Variants in ZBTB44 observed in about 807,000 individuals in gnomAD.
The protein encoded by ZBTB44 is zinc finger and BTB domain containing 44.
A neutral mutation model predicts 54.0 loss-of-function variants in ZBTB44; 15 were observed. The ratio of observed to expected loss-of-function variants is 0.28; its 90% CI spans 0.19 to 0.43. The LOEUF (loss-of-function observed/expected upper bound fraction) is 0.43. Among genes scored for constraint, ZBTB44 ranks in the 20% least tolerant of loss-of-function variants. The pLI, the probability that ZBTB44 is intolerant of heterozygous loss-of-function variation, is 1.00. For missense variants in ZBTB44, 487 were observed against 707.1 expected (o/e 0.69, Z 3.53); for synonymous variants, 230 against 250.1 (o/e 0.92, Z 0.76).
intron 2 of ZBTB44, 98 bp downstream of exon 2, chr11:130,260,758 T>A (rs564863526): frequency 7.5e-7 from 1 of 1,333,648 alleles, no homozygotes; most frequent in African/African-American, 1.5e-5. Flanking sequence ...TTCTTTATAT[T>A]TCCTATATGA....
At chr11:130,295,479 A>C (rs1277132667) in intron 1 of ZBTB44, among the ~76,000 whole-genome samples, 1 of 152,194 alleles carries the variant, frequency 6.6e-6, no homozygotes, top group Non-Finnish European at 1.5e-5. Context: ...GAAAGTGCCG[A>C]GACTCCTAAA....
chr11:130,302,755 C>T (rs971313781), intron 1 of ZBTB44, among the ~76,000 whole-genome samples: 3 of 152,178 alleles, frequency 2.0e-5, no homozygotes, highest in Admixed American at 2.0e-4. Flanking sequence ...AGGTGATCAC[C>T]TGAGGTCAGG....
At chr11:130,305,626 A>C (rs957118493) in intron 1 of ZBTB44, among the ~76,000 whole-genome samples, 2 of 152,210 alleles carry the variant, frequency 1.3e-5, no homozygotes, top group Non-Finnish European at 2.9e-5. Flanking sequence ...TCAAAGACTT[A>C]AATCTTAAGG....
intron 1 of ZBTB44, among the ~76,000 whole-genome samples, chr11:130,276,987 T>C (rs187274522): frequency 6.6e-6 from 1 of 152,310 alleles, no homozygotes; most frequent in African/African-American, 2.4e-5. Flanking sequence ...GTTTACATGA[T>C]ATATTTATTT....
chr11:130,292,872 C>T (rs948943972), intron 1 of ZBTB44, among the ~76,000 whole-genome samples: 3 of 152,074 alleles, frequency 2.0e-5, no homozygotes, highest in Non-Finnish European at 4.4e-5. Context: ...TAAAATAAGA[C>T]GTTTCTCACT....
At chr11:130,232,007 A>C (rs1953893248) in intron 7 of ZBTB44, 2 of 152,206 alleles carry the variant, frequency 1.3e-5, no homozygotes, top group South Asian at 4.1e-4. Flanking sequence ...TTGGCAGCAA[A>C]TGGGTAAAAA....
chr11:130,239,708 AGT>A lies in ZBTB44; in HGVS notation c.1103+102_1103+103del. On this transcript the variant is annotated intron_variant, in intron 3 of 7. Transcript: ENST00000357899. ...TTCATTACTTTGAAAAGTATACTGAAGTGAGGTTGTAATAAACTTCTACAACT... is the reference window on the plus strand; with the variant it reads ...TTCATTACTTTGAAAAGTATACTGAAGAGGTTGTAATAAACTTCTACAACT... The A allele has an allele frequency of 4.6e-6, 4 of 870,424 alleles. No homozygotes were observed. In the Admixed American group the frequency reaches 8.9e-5, roughly 19 times the overall value. The allele number at this position is 870,424 out of a possible 1,614,324, so 53.9% of individuals were successfully genotyped here.
chr11:130,245,012 G>A (rs1290579796), intron 2 of ZBTB44, among the ~76,000 whole-genome samples: 1 of 152,050 alleles, frequency 6.6e-6, no homozygotes, highest in African/African-American at 2.4e-5. Context: ...CTTATTTTTT[G>A]TTTCTTGATG....
At chr11:130,296,282 G>GA in intron 1 of ZBTB44, 1 of 1,488,160 alleles carries the variant, frequency 6.7e-7, no homozygotes, top group Non-Finnish European at 9.1e-7. Context: ...CTTCTGAAAA[G>GA]AGATTCCTTC....
intron 1 of ZBTB44, among the ~76,000 whole-genome samples, chr11:130,301,064 G>A (rs1941961942): frequency 6.6e-6 from 1 of 152,028 alleles, no homozygotes; most frequent in Non-Finnish European, 1.5e-5. Flanking sequence ...AGAGGGAAAG[G>A]TTAAAGATAC....
intron 1 of ZBTB44, among the ~76,000 whole-genome samples, chr11:130,309,764 T>C (rs888651265): frequency 2.0e-5 from 3 of 151,792 alleles, no homozygotes; most frequent in East Asian, 3.9e-4. Flanking sequence ...TGGTGGTACA[T>C]GCCTGTAATC....
chr11:130,286,430 C>A (rs7942964), intron 1 of ZBTB44, among the ~76,000 whole-genome samples: 9,506 of 152,106 alleles, frequency 0.062, 737 homozygotes, highest in African/African-American at 0.18. Flanking sequence ...AAATTTTCCC[C>A]ATAAATTATA....
intron 1 of ZBTB44, among the ~76,000 whole-genome samples, chr11:130,307,044 C>CAA (rs112310112): frequency 1.3e-3 from 95 of 71,984 alleles, no homozygotes; most frequent in South Asian, 8.3e-3. Flanking sequence ...TATCAACATT[C>CAA]AAAAAAAAAA....
At chr11:130,251,314 G>T (rs1003396816) in intron 2 of ZBTB44, among the ~76,000 whole-genome samples, 1 of 152,120 alleles carries the variant, frequency 6.6e-6, no homozygotes, top group Non-Finnish European at 1.5e-5. Context: ...CCAAACCTAC[G>T]ATTGACTGAG....
chr11:130,298,764 T>C (rs1464960637), intron 1 of ZBTB44, among the ~76,000 whole-genome samples: 3 of 151,914 alleles, frequency 2.0e-5, no homozygotes, highest in South Asian at 4.2e-4. Flanking sequence ...CGCCCAGCAA[T>C]AGTTGAAGAT....
In ZBTB44 at chr11:130,260,899, T is replaced by A; in HGVS notation, c.975A>T (p.Gln325His). 1 of 1,614,020 alleles carries A rather than the reference T, an allele frequency of 6.2e-7. No individual in the cohort carries two copies. Among genetic ancestry groups the A allele is most frequent in the Non-Finnish European group, 8.5e-7 (1 of 1,179,892 alleles). ...GACTAATCAGAAGGTCCTCTTGGACTTGTTCACTTCCTGGAACTGTCTGCT... is the reference window on the plus strand; with the variant it reads ...GACTAATCAGAAGGTCCTCTTGGACATGTTCACTTCCTGGAACTGTCTGCT... Reference protein sequence around the residue: ...SDQQTVPGSEQVQEDLLISPQ... With the variant: ...SDQQTVPGSEHVQEDLLISPQ... Residue 325 changes from glutamine (Q) to histidine (H), a missense_variant, in exon 2 of 8, where the codon CAA becomes CAT. By Grantham distance (24) the Gln-to-His change is conservative. Around this residue, in one of 3 missense-constraint regions of ZBTB44, gnomAD observed 277 missense variants for 306.5 expected, o/e 0.90. Coordinates refer to ENST00000357899, the MANE Select transcript of ZBTB44 (RefSeq NM_001301098.2).
chr11:130,275,093 C>G (rs898648502), intron 1 of ZBTB44, among the ~76,000 whole-genome samples: 1 of 152,118 alleles, frequency 6.6e-6, no homozygotes, highest in Non-Finnish European at 1.5e-5. Context: ...AATTATATTG[C>G]TATAAAATTT....
At chr11:130,249,864 T>A (rs1344424179) in intron 2 of ZBTB44, among the ~76,000 whole-genome samples, 2 of 152,168 alleles carry the variant, frequency 1.3e-5, no homozygotes, top group African/African-American at 4.8e-5. Context: ...GCTCTTCTTT[T>A]TTCACACACC....
At chr11:130,298,437 G>A (rs1392623946) in intron 1 of ZBTB44, among the ~76,000 whole-genome samples, 2 of 149,540 alleles carry the variant, frequency 1.3e-5, no homozygotes, top group Non-Finnish European at 3.0e-5. Context: ...GAGCCACCAT[G>A]CCCGGCCAAA....
Sources: allele counts gnomAD v4.1 joint callset (sites outside exome capture counted in the v4.1 genomes callset), GRCh38; gene constraint gnomAD v4.1.1; regional missense constraint gnomAD v4.1.1; transcripts MANE v1.5; gene names NCBI Gene and HGNC (gene_info 2026-07-23, HGNC 2026-07-21).